The following TRMT5 variants were observed in gnomAD, a reference collection of about 807,000 sequenced individuals.
TRMT5 encodes the protein tRNA methyltransferase 5, also known as tRNA (guanine(37)-N(1))-methyltransferase.
Under a neutral mutation model 42.2 loss-of-function variants are expected in TRMT5, and 31 were observed. The ratio of observed to expected loss-of-function variants is 0.73; its 90% CI spans 0.55 to 0.99. The LOEUF (loss-of-function observed/expected upper bound fraction) is 0.99, where lower values mean the gene tolerates loss of function less well. TRMT5 is among the 50% of genes least tolerant of loss of function. The probability of loss-of-function intolerance (pLI) is 0.00; values close to 1 mark genes in which losing one functional copy is unlikely to be tolerated. For missense variants in TRMT5, 568 were observed against 595.0 expected, an observed-to-expected ratio of 0.95 and a Z score of 0.47; for synonymous variants, 198 against 209.6, an observed-to-expected ratio of 0.94 and a Z score of 0.48.
chr14:60,975,944 G>T lies in TRMT5; in HGVS notation c.975C>A (p.Ala325=). 2 of 1,614,156 alleles carry T rather than the reference G, an allele frequency of 1.2e-6. No individual in the cohort carries two copies. The highest frequency in any genetic ancestry group is 1.6e-4 in the Middle Eastern group (1 of 6,062). Residue 325 remains alanine, a synonymous_variant, in exon 4 of 5, where the codon GCC becomes GCA. Transcript: ENST00000261249. Reference sequence around the variant, plus strand: ...TATGAGATTCAGGATTGAGATCATTGGCAAATACAGTGCAGTTTTTCTTTG... The same window carrying T: ...TATGAGATTCAGGATTGAGATCATTTGCAAATACAGTGCAGTTTTTCTTTG... The part of the protein sequence containing the change: ...PVAKKNCTVF[A]NDLNPESHKW...
Position 60,981,009 on chromosome 14 carries a change from G to A in TRMT5, c.-36C>T, listed in dbSNP as rs370029392. The A allele has an allele frequency of 6.2e-7, 1 of 1,611,238 alleles. No individual in the cohort carries two copies. The highest frequency in any genetic ancestry group is 8.5e-7 in the Non-Finnish European group (1 of 1,180,016). On this transcript the variant is annotated 5_prime_UTR_variant, in exon 1 of 5. Coordinates refer to ENST00000261249, the MANE Select transcript of TRMT5 (RefSeq NM_020810.3). ...CACGTCGCTCTGCAGCTGGATCCGC[G>A]AGCCGACCCCTCACCTCCCGCTCCG...
chr14:60,980,394 A>T (rs1054213978), intron 1 of TRMT5, among the ~76,000 whole-genome samples: 3 of 152,206 alleles, frequency 2.0e-5, no homozygotes, highest in African/African-American at 7.2e-5. Context: ...TAAAGCTCAG[A>T]CGTAAGGTAA....
At chr14:60,977,476 T>C (rs1409100758) in intron 3 of TRMT5, 38 bp downstream of exon 3, 2 of 1,561,946 alleles carry the variant, frequency 1.3e-6, no homozygotes. Context: ...CTAAACATAA[T>C]ATTGATATAC....
Position 60,977,541 on chromosome 14 carries a change from T to C in TRMT5, c.765A>G (p.Leu255=). ...NMYRNFQMEV[L]SGEQNMMTKV... is the part of the protein sequence containing the mutation. ...TTGTCATCATGTTCTGCTCTCCAGA[T>C]AGCACTTCCATTTGGAAATTTCGGT... Residue 255 remains leucine, a synonymous_variant, in exon 3 of 5, where the codon CTA becomes CTG. Coordinates refer to ENST00000261249, the MANE Select transcript of TRMT5 (RefSeq NM_020810.3). 6.2e-7 allele frequency: 1 copy of C among 1,611,450 alleles called. No individual in the cohort carries two copies. The highest frequency in any genetic ancestry group is 2.2e-5 in the East Asian group (1 of 44,726).
chr14:60,981,415 C>T (rs2037006061), upstream of TRMT5: 1 of 1,557,750 alleles, frequency 6.4e-7, no homozygotes, highest in Non-Finnish European at 8.7e-7. Flanking sequence ...CCCGCGCTGA[C>T]GCCCTCCGGC....
At chr14:60,977,390 T>C (rs1464096753) in intron 3 of TRMT5, 124 bp downstream of exon 3, 2 of 933,772 alleles carry the variant, frequency 2.1e-6, no homozygotes, top group African/African-American at 3.4e-5. Flanking sequence ...ATAGCATACA[T>C]AAGTGATCAC....
At position 60,973,430 on chromosome 14, in the gene TRMT5, T is replaced by C. The variant is rs2036804705; in HGVS notation, c.*1679A>G. 6.6e-6 allele frequency: 1 copy of C among 152,246 alleles called. No individual in the cohort carries two copies. Among genetic ancestry groups the C allele is most frequent in the Non-Finnish European group, 1.5e-5 (1 of 68,134 alleles). The allele number at this position is 152,246 out of a possible 1,614,324, so 9.4% of individuals were successfully genotyped here. A position where few individuals can be genotyped will look rare whatever the true frequency, so the allele number is the denominator to read the frequency against. On this transcript the variant is annotated 3_prime_UTR_variant, in exon 5 of 5. Coordinates refer to ENST00000261249, the MANE Select transcript of TRMT5 (RefSeq NM_020810.3). ...GAGAGTGTGGGGGGCGAGTGCCACATACTTTGAAACAACAAGATCTCATAA... is the reference window on the plus strand; with the variant it reads ...GAGAGTGTGGGGGGCGAGTGCCACACACTTTGAAACAACAAGATCTCATAA...
upstream of TRMT5, chr14:60,981,597 G>A (rs756417699): frequency 4.0e-6 from 6 of 1,498,332 alleles, no homozygotes; most frequent in Non-Finnish European, 5.3e-6. Context: ...AGAAAGAAAA[G>A]ATGAAAAGCG....
upstream of TRMT5, chr14:60,981,425 C>A: frequency 6.4e-7 from 1 of 1,553,592 alleles, no homozygotes. Context: ...CGCCCTCCGG[C>A]TTCCCTCAAG....
At position 60,975,194 on chromosome 14, in the gene TRMT5, T is replaced by C; in HGVS notation, c.1445A>G (p.Glu482Gly). The C allele has an allele frequency of 6.3e-7, 1 of 1,599,114 alleles. No individual in the cohort carries two copies. The highest frequency in any genetic ancestry group is 1.1e-5 in the South Asian group (1 of 88,486). ...TTTAAGAGGTGGATCTTCATGATTC[T>C]CTGTAATAAATCCAGAAAACCTATT... ...VLYKNQTRNP[E>G]NHEDPPLKRQ... The change falls in exon 5 of 5, where the codon GAG becomes GGG. Residue 482 changes from glutamate (E) to glycine (G), a missense_variant and splice_region_variant. Physicochemically the swap from Glu to Gly is moderately conservative, Grantham distance 98. Coordinates refer to ENST00000261249, the MANE Select transcript of TRMT5 (RefSeq NM_020810.3).
upstream of TRMT5, chr14:60,981,229 G>A: frequency 3.2e-6 from 5 of 1,562,720 alleles, no homozygotes; most frequent in Non-Finnish European, 4.3e-6. Context: ...GGAGCGCAGG[G>A]CAGGGGTAGA....
In TRMT5 at chr14:60,972,216, GAAGTA is replaced by G. The variant is rs1394332072; in HGVS notation, c.*2888_*2892del. 10 of 514,132 alleles carry G rather than the reference GAAGTA, an allele frequency of 1.9e-5. No individual in the cohort carries two copies. The Admixed American group carries it at 2.0e-4, about 10-fold the overall frequency. 31.8% of individuals were successfully genotyped at this position (514,132 alleles called of 1,614,324 possible). ...AATATTTCAAACTGTACAGTCACCA[GAAGTA>G]CAGTTATAAAAAATGCACACACTTC... On this transcript the variant is annotated 3_prime_UTR_variant, in exon 5 of 5. Coordinates refer to ENST00000261249, the MANE Select transcript of TRMT5 (RefSeq NM_020810.3).
rs562034688 is a variant in TRMT5, at chr14:60,980,873, C to T, written c.11+90G>A. 87 of 1,598,068 alleles carry T rather than the reference C, an allele frequency of 5.4e-5. No homozygotes were observed. The South Asian group carries it at 9.1e-4, about 17-fold the overall frequency. On this transcript the variant is annotated intron_variant, in intron 1 of 4. Coordinates refer to ENST00000261249, the MANE Select transcript of TRMT5 (RefSeq NM_020810.3). Reference sequence around the variant, plus strand: ...GCGGGTGGGTGACCTCGCGATGTTTCTGTGCCCAGGCAGCACATGGCAGAG... The same window carrying T: ...GCGGGTGGGTGACCTCGCGATGTTTTTGTGCCCAGGCAGCACATGGCAGAG...
chr14:60,976,043 G>A lies in TRMT5; in HGVS notation c.876C>T (p.Ile292=), dbSNP rs1594925440. The A allele has an allele frequency of 1.9e-6, 3 of 1,614,096 alleles. No individual in the cohort carries two copies. In the African/African-American group the frequency reaches 4.0e-5, roughly 22 times the overall value. Residue 292 remains isoleucine, a synonymous_variant, in exon 4 of 5, where the codon ATC becomes ATT. Transcript: ENST00000261249. ...NPRLSTEHSR[I]TELLKPGDVL... ...CATCCCCAGGTTTGAGAAGTTCTGT[G>A]ATACGGCTGTGTTCTGTAGACAGAC...
upstream of TRMT5, chr14:60,981,423 G>A (rs374993432): frequency 3.2e-6 from 5 of 1,554,286 alleles, no homozygotes; most frequent in African/African-American, 6.8e-5. Flanking sequence ...GACGCCCTCC[G>A]GCTTCCCTCA....
At chr14:60,975,342 T>C in intron 4 of TRMT5, 133 bp downstream of exon 4, 1 of 1,323,730 alleles carries the variant, frequency 7.6e-7, no homozygotes. Context: ...TGAAATAGCC[T>C]TCTATTAGAC....
upstream of TRMT5, chr14:60,981,112 G>C (rs2036973849): frequency 6.3e-7 from 1 of 1,578,414 alleles, no homozygotes; most frequent in Non-Finnish European, 8.6e-7. Flanking sequence ...AAGAGGGCGC[G>C]CGTCATCAGA....
chr14:60,979,812 G>T lies in TRMT5; in HGVS notation c.86C>A (p.Ser29Ter). The T allele has an allele frequency of 6.2e-7, 1 of 1,612,188 alleles. No homozygotes were observed. The highest frequency in any genetic ancestry group is 1.3e-5 in the African/African-American group (1 of 74,486). ...LESHSITESK[S>*]LIPVAWTSLT... ...GGATGTCCAAGCTACTGGAATCAAC[G>T]ATTTTGATTCAGTTATGCTATGGCT... is the stretch of plus-strand genomic sequence containing the variant. The change falls in exon 2 of 5, where the codon TCG becomes TAG. Residue 29 changes from serine to a stop codon, truncating the protein, a stop_gained. Transcript: ENST00000261249. LOFTEE classifies it high-confidence loss of function.
rs749585686 is a variant in TRMT5 at position 60,972,401 on chromosome 14, C to T, written c.*2708G>A. On this transcript the variant is annotated 3_prime_UTR_variant, in exon 5 of 5. Coordinates refer to ENST00000261249, the MANE Select transcript of TRMT5 (RefSeq NM_020810.3). ...TAGCAGACAACCTCGCAGATCTTCT[C>T]TGTGATTCATCCTTCACCTTGGCTT... 7.4e-6 allele frequency: 4 copies of T among 538,352 alleles called. No individual in the cohort carries two copies. The highest frequency in any genetic ancestry group is 1.1e-5 in the Non-Finnish European group (3 of 266,636). The allele number at this position is 538,352 out of a possible 1,614,324, so 33.3% of individuals were successfully genotyped here.
Sources: gnomAD v4.1 joint callset for allele counts (sites outside exome capture counted in the v4.1 genomes callset) on GRCh38, gnomAD v4.1.1 for gene constraint, MANE v1.5 for transcripts, NCBI Gene and HGNC (gene_info 2026-07-23, HGNC 2026-07-21) for gene names.